PRELID2: variants seen among roughly 807,000 people sequenced by gnomAD.
PRELID2 encodes the protein PRELI domain containing 2.
PRELID2 carries 25 observed loss-of-function variants against 28.4 expected under a neutral mutation model. That is an observed-to-expected ratio of 0.88 (90% CI 0.64 to 1.23). PRELID2 has a LOEUF of 1.23. PRELID2 is among the 50% of genes most tolerant of loss of function. The probability of loss-of-function intolerance (pLI) is 0.00; values close to 1 mark genes in which losing one functional copy is unlikely to be tolerated. For synonymous variants in PRELID2, 76 were observed against 71.6 expected, an observed-to-expected ratio of 1.06 and a Z score of -0.31; for missense variants, 201 against 214.4, an observed-to-expected ratio of 0.94 and a Z score of 0.39.
At chr5:145,658,807 A>C (rs150884853) in intron 1 of PRELID2, among the ~76,000 whole-genome samples, 1 of 152,218 alleles carries the variant, frequency 6.6e-6, no homozygotes, top group East Asian at 1.9e-4. Flanking sequence ...CACAATGCAA[A>C]CTAACACAAC....
At chr5:145,614,151 G>T (rs1223920170) in intron 1 of PRELID2, among the ~76,000 whole-genome samples, 1 of 152,110 alleles carries the variant, frequency 6.6e-6, no homozygotes, top group Non-Finnish European at 1.5e-5. Flanking sequence ...TTATTTCTGG[G>T]TTCTCTATTC....
chr5:145,519,900 G>A (rs1752549486), intron 1 of PRELID2, among the ~76,000 whole-genome samples: 1 of 152,092 alleles, frequency 6.6e-6, no homozygotes, highest in South Asian at 2.1e-4. Context: ...CATCTCAAAT[G>A]GTATTATTGT....
At chr5:145,725,463 T>G (rs1260978560) in intron 1 of PRELID2, among the ~76,000 whole-genome samples, 1 of 152,184 alleles carries the variant, frequency 6.6e-6, no homozygotes, top group Non-Finnish European at 1.5e-5. Flanking sequence ...TAAATATATG[T>G]CTGCTGTTAA....
chr5:145,613,281 T>C (rs1473148686), intron 1 of PRELID2, among the ~76,000 whole-genome samples: 1 of 152,192 alleles, frequency 6.6e-6, no homozygotes, highest in South Asian at 2.1e-4. Context: ...ATATCTTCTT[T>C]TTTTATTTTT....
intron 1 of PRELID2, among the ~76,000 whole-genome samples, chr5:145,695,724 C>T (rs568973152): frequency 1.2e-4 from 18 of 152,268 alleles, no homozygotes; most frequent in African/African-American, 3.6e-4. Context: ...TAGGTGGGCC[C>T]TTCCACAGGA....
downstream of PRELID2, among the ~76,000 whole-genome samples, chr5:145,470,486 A>G (rs1375528766): frequency 6.6e-6 from 1 of 152,002 alleles, no homozygotes; most frequent in Non-Finnish European, 1.5e-5. Context: ...GGTAATTTTT[A>G]TAACAAAATG....
chr5:145,611,041 G>C (rs948990411), intron 1 of PRELID2, among the ~76,000 whole-genome samples: 1 of 149,798 alleles, frequency 6.7e-6, no homozygotes, highest in Non-Finnish European at 1.5e-5. Flanking sequence ...GAAATATAGA[G>C]AGAGAGAAGA....
rs188992685 is a variant in PRELID2, at chr5:145,613,965, G to T, written n.71-140650C>A. ...TTATAGTTTCAGGTATTAGATTTAA[G>T]TCCTTAATCCATCTTGAGTTGATTT... is the stretch of plus-strand genomic sequence containing the variant. On this transcript the variant is annotated intron_variant and non_coding_transcript_variant, in intron 1 of 2. Coordinates refer to the PRELID2 transcript ENST00000510259. Among the ~76,000 whole-genome samples, 23 of 152,290 alleles carry T rather than the reference G, an allele frequency of 1.5e-4. No individual in the cohort carries two copies. In the East Asian group the frequency reaches 4.2e-3, roughly 28 times the overall value.
At chr5:145,291,336 AG>A in the PRELID2 span, among the ~76,000 whole-genome samples, 5 of 137,892 alleles carry the variant, frequency 3.6e-5, no homozygotes, top group African/African-American at 5.7e-5. Context: ...ACTCTGTTTC[AG>A]AAAAAAAAAA....
intron 1 of PRELID2, among the ~76,000 whole-genome samples, chr5:145,716,578 A>G (rs1293832780): frequency 6.6e-6 from 1 of 152,222 alleles, no homozygotes; most frequent in East Asian, 1.9e-4. Flanking sequence ...TACCATCATA[A>G]CAAAGCAGCT....
chr5:145,706,550 G>A (rs770336995), intron 1 of PRELID2, among the ~76,000 whole-genome samples: 1 of 152,104 alleles, frequency 6.6e-6, no homozygotes, highest in Admixed American at 6.6e-5. Flanking sequence ...CCACCCATAT[G>A]AACTTCATAG....
chr5:145,678,307 T>C (rs1385996190), intron 1 of PRELID2, among the ~76,000 whole-genome samples: 1 of 152,228 alleles, frequency 6.6e-6, no homozygotes, highest in African/African-American at 2.4e-5. Context: ...TCTGTACAGA[T>C]GCCTCTTTGG....
At chr5:145,493,792 T>C (rs1176656744) in intron 1 of PRELID2, among the ~76,000 whole-genome samples, 3 of 152,202 alleles carry the variant, frequency 2.0e-5, no homozygotes, top group Non-Finnish European at 4.4e-5. Context: ...ATGAGGCTTC[T>C]CCTAAAATCC....
At chr5:145,825,884 A>G (rs1165594565) in intron 1 of PRELID2, 2 of 263,074 alleles carry the variant, frequency 7.6e-6, no homozygotes, top group East Asian at 3.6e-4. Context: ...ATCTGACGCC[A>G]TCTTGTGGTA....
rs553963912 is a variant in PRELID2 at position 145,835,245 on chromosome 5, C to T, written c.7G>A (p.Val3Ile). 1.3e-6 allele frequency: 2 copies of T among 1,548,324 alleles called. No individual in the cohort carries two copies. The highest frequency in any genetic ancestry group is 8.7e-7 in the Non-Finnish European group (1 of 1,145,280). The change falls in exon 1 of 7, where the codon GTC becomes ATC. Residue 3 changes from valine to isoleucine, a missense_variant. By Grantham distance (29) the Val-to-Ile change is conservative (BLOSUM62 3). Transcript: ENST00000683046. MG[V>I]SVDVHQVYKY... ...TACACCTGGTGCACATCCACCGAGA[C>T]CCCCATCCCCGCGCGCCGCGGGCCC...
At chr5:145,372,633 T>C in the PRELID2 span, among the ~76,000 whole-genome samples, 3 of 151,802 alleles carry the variant, frequency 2.0e-5, no homozygotes, top group Admixed American at 6.6e-5. Context: ...TCTTTGTTGG[T>C]TTAAAGTCTG....
chr5:145,617,231 T>C (rs1187406999), intron 1 of PRELID2, among the ~76,000 whole-genome samples: 1 of 152,152 alleles, frequency 6.6e-6, no homozygotes. Context: ...TGAGGTGACA[T>C]ACATCCTCCT....
At chr5:145,776,445 G>A (rs1302594340) in intron 5 of PRELID2, among the ~76,000 whole-genome samples, 1 of 138,082 alleles carries the variant, frequency 7.2e-6, no homozygotes, top group Non-Finnish European at 1.6e-5. Context: ...AAGTGAAAAG[G>A]TGAAAGTTCT....
the PRELID2 span, among the ~76,000 whole-genome samples, chr5:145,326,405 A>ACCCC: frequency 3.9e-5 from 6 of 152,204 alleles, no homozygotes; most frequent in African/African-American, 1.4e-4. Flanking sequence ...CTGATACTAG[A>ACCCC]ATTCATATGA....
Sources: allele counts gnomAD v4.1 joint callset (sites outside exome capture counted in the v4.1 genomes callset), GRCh38; gene constraint gnomAD v4.1.1; transcripts MANE v1.5; gene names NCBI Gene and HGNC (gene_info 2026-07-23, HGNC 2026-07-21).